Variants in CADPS2 observed in about 807,000 individuals in gnomAD.
CADPS2 encodes the protein calcium dependent secretion activator 2, also known as calcium-dependent secretion activator 2.
CADPS2 carries 93 observed loss-of-function variants against 172.5 expected under a neutral mutation model. The observed-to-expected ratio is 0.54, with a 90% CI of 0.46 to 0.64. The LOEUF (loss-of-function observed/expected upper bound fraction) is 0.64. Ranked by LOEUF, CADPS2 falls within the 30% of genes least tolerant of loss-of-function variation. CADPS2 has a pLI of 0.00. For synonymous variants in CADPS2, 546 were observed against 555.2 expected, an observed-to-expected ratio of 0.98 and a Z score of 0.23; for missense variants, 1,420 against 1,565.9, an observed-to-expected ratio of 0.91 and a Z score of 1.57.
chr7:122,703,289 T>A (rs2086459860), intron 2 of CADPS2, among the ~76,000 whole-genome samples: 1 of 152,086 alleles, frequency 6.6e-6, no homozygotes, highest in African/African-American at 2.4e-5. Flanking sequence ...CCTGGGCCAG[T>A]TGCCAGTTTT....
intron 20 of CADPS2, among the ~76,000 whole-genome samples, chr7:122,393,843 T>C (rs2044717012): frequency 6.6e-6 from 1 of 152,186 alleles, no homozygotes; most frequent in South Asian, 2.1e-4. Flanking sequence ...GGTATGTTTT[T>C]ATTTTCTAAG....
intron 1 of CADPS2, among the ~76,000 whole-genome samples, chr7:122,872,018 G>T (rs936530471): frequency 6.6e-6 from 1 of 151,942 alleles, no homozygotes; most frequent in African/African-American, 2.4e-5. Context: ...TAACTCTTGT[G>T]CCCAAATCTC....
chr7:122,836,024 A>G (rs1808305130), intron 1 of CADPS2, among the ~76,000 whole-genome samples: 1 of 152,256 alleles, frequency 6.6e-6, no homozygotes, highest in African/African-American at 2.4e-5. Context: ...AAGGGCAGCC[A>G]GAGAGAAAGG....
intron 1 of CADPS2, among the ~76,000 whole-genome samples, chr7:122,821,042 C>G (rs1313736066): frequency 2.6e-5 from 4 of 152,030 alleles, no homozygotes; most frequent in Non-Finnish European, 4.4e-5. Context: ...GCTCCTTCAG[C>G]TATACTCACT....
intron 2 of CADPS2, among the ~76,000 whole-genome samples, chr7:122,706,533 C>T (rs909729192): frequency 1.4e-5 from 2 of 146,912 alleles, no homozygotes; most frequent in African/African-American, 5.0e-5. Context: ...GTTGGTTCAA[C>T]TGGTTCAAAA....
chr7:122,750,963 T>G (rs548858867), intron 1 of CADPS2, among the ~76,000 whole-genome samples: 3 of 152,288 alleles, frequency 2.0e-5, no homozygotes, highest in African/African-American at 4.8e-5. Context: ...AACAGAATGC[T>G]GAACCCCTAA....
intron 13 of CADPS2, among the ~76,000 whole-genome samples, chr7:122,473,115 T>C (rs2056190592): frequency 6.6e-6 from 1 of 152,154 alleles, no homozygotes; most frequent in Non-Finnish European, 1.5e-5. Context: ...GGTTTCTCTA[T>C]ACATTGTGAA....
chr7:122,500,616 A>C (rs2059118712), intron 9 of CADPS2, among the ~76,000 whole-genome samples: 1 of 152,192 alleles, frequency 6.6e-6, no homozygotes, highest in South Asian at 2.1e-4. Context: ...TGGAGAAACC[A>C]GGCTTACCCT....
intron 11 of CADPS2, among the ~76,000 whole-genome samples, chr7:122,482,817 G>C (rs1049043554): frequency 1.3e-5 from 2 of 152,118 alleles, no homozygotes; most frequent in African/African-American, 4.8e-5. Context: ...CTGGAGAGAA[G>C]AGAGCTGCCC....
In CADPS2 at chr7:122,348,162, C is replaced by T. The variant is rs563721703; in HGVS notation, c.3505-2481G>A. 7.2e-5 allele frequency among the ~76,000 whole-genome samples: 11 copies of T among 152,288 alleles called. No individual in the cohort carries two copies. In the East Asian group the frequency reaches 1.4e-3, roughly 19 times the overall value. On this transcript the variant is annotated intron_variant, in intron 27 of 29. Coordinates refer to ENST00000449022, the MANE Select transcript of CADPS2 (RefSeq NM_017954.11). ...TTTTAAAGGCCACTGCTTAGACATT[C>T]AGTTCAGTCAGTCACTAGACCTATC...
intron 8 of CADPS2, among the ~76,000 whole-genome samples, chr7:122,537,220 A>C (rs2062392502): frequency 6.6e-6 from 1 of 151,958 alleles, no homozygotes; most frequent in Admixed American, 6.6e-5. Context: ...TTTATCAAAG[A>C]AGTATATTTA....
chr7:122,810,628 T>A (rs17144922), intron 1 of CADPS2, among the ~76,000 whole-genome samples: 30,227 of 152,104 alleles, frequency 0.2, 3,127 homozygotes, highest in Middle Eastern at 0.3. Context: ...AACCATTTAT[T>A]CGCAGGATTT....
At chr7:122,558,802 T>C (rs570335405) in intron 7 of CADPS2, among the ~76,000 whole-genome samples, 2 of 152,282 alleles carry the variant, frequency 1.3e-5, no homozygotes, top group African/African-American at 4.8e-5. Context: ...GATACCTGAT[T>C]GAGGCCAAAC....
At chr7:122,447,272 C>T (rs564845365) in intron 15 of CADPS2, among the ~76,000 whole-genome samples, 19 of 151,886 alleles carry the variant, frequency 1.3e-4, no homozygotes, top group South Asian at 1.0e-3. Context: ...TTTTTGATGT[C>T]CTCTCTTTAT....
At position 122,491,431 on chromosome 7, in the gene CADPS2, A is replaced by G. The variant is rs755550009; in HGVS notation, c.1543-11T>C. On this transcript the variant is annotated splice_polypyrimidine_tract_variant and intron_variant, in intron 9 of 29. Transcript: ENST00000449022. ...GGTATATTGGCTAACCTGCTCGAGA[A>G]AAAAAAAGTTTACAGATTAGTCACA... 3 of 1,522,936 alleles carry G rather than the reference A, an allele frequency of 2.0e-6. No individual in the cohort carries two copies. Among genetic ancestry groups the G allele is most frequent in the Non-Finnish European group, 2.7e-6 (3 of 1,121,348 alleles). 94.3% of individuals were successfully genotyped at this position (1,522,936 alleles called of 1,614,324 possible).
At chr7:122,355,488 C>T (rs1053746253) in intron 27 of CADPS2, among the ~76,000 whole-genome samples, 6 of 151,370 alleles carry the variant, frequency 4.0e-5, no homozygotes, top group African/African-American at 1.2e-4. Context: ...AGCTGAGGCA[C>T]GAGAATCACT....
intron 1 of CADPS2, among the ~76,000 whole-genome samples, chr7:122,869,877 A>T (rs1020563471): frequency 3.3e-5 from 5 of 152,104 alleles, no homozygotes; most frequent in Non-Finnish European, 7.4e-5. Context: ...CAAAGTTATT[A>T]TCAGCTTTAA....
In CADPS2 at chr7:122,653,466, C is replaced by G. The variant is rs75144980; in HGVS notation, c.786+9771G>C. 2.6e-5 allele frequency among the ~76,000 whole-genome samples: 4 copies of G among 152,324 alleles called. No individual in the cohort carries two copies. In the East Asian group the frequency reaches 5.8e-4, roughly 22 times the overall value. On this transcript the variant is annotated intron_variant, in intron 3 of 29. Transcript: ENST00000449022. Reference sequence around the variant, plus strand: ...TCAGGCTATTCCTTTCTATAAAGAACAGGCTAGTTTCTGTGATTTCTATTG... The same window carrying G: ...TCAGGCTATTCCTTTCTATAAAGAAGAGGCTAGTTTCTGTGATTTCTATTG...
intron 2 of CADPS2, among the ~76,000 whole-genome samples, chr7:122,666,358 T>C (rs1021519330): frequency 2.6e-5 from 4 of 151,274 alleles, no homozygotes; most frequent in African/African-American, 9.7e-5. Context: ...TTTTTTTTTT[T>C]TTTGAGATGG....
Sources: gnomAD v4.1 joint callset for allele counts (sites outside exome capture counted in the v4.1 genomes callset) on GRCh38, gnomAD v4.1.1 for gene constraint, MANE v1.5 for transcripts, NCBI Gene and HGNC (gene_info 2026-07-23, HGNC 2026-07-21) for gene names.